Variants in VPS39 observed in about 807,000 individuals in gnomAD.
The protein encoded by VPS39 is VPS39 subunit of HOPS complex, also known as vam6/Vps39-like protein.
VPS39 carries 70 observed loss-of-function variants against 121.0 expected under a neutral mutation model. The observed-to-expected ratio is 0.58, with a 90% CI of 0.48 to 0.71. VPS39 has a LOEUF of 0.71. VPS39 is among the 30% of genes least tolerant of loss of function. The pLI is 0.00. For synonymous variants in VPS39, 378 were observed against 398.1 expected, an observed-to-expected ratio of 0.95 and a Z score of 0.60; for missense variants, 818 against 1,051.5, an observed-to-expected ratio of 0.78 and a Z score of 3.07.
rs747149275 is a variant in VPS39, at chr15:42,191,077, T to A, written c.247+48A>T. On this transcript the variant is annotated intron_variant, in intron 4 of 24. Coordinates refer to ENST00000318006, the MANE Select transcript of VPS39 (RefSeq NM_015289.5). ...AACCATGAAAGGATTAATTAGGTCA[T>A]ATCTTTTCTTGTTAGACACAGGATA... The A allele has an allele frequency of 6.9e-6, 11 of 1,597,342 alleles. No homozygotes were observed. The African/African-American group carries it at 1.3e-4, about 19-fold the overall frequency.
chr15:42,164,673 T>C, intron 18 of VPS39, 187 bp from the exon 19 acceptor site: 3 of 1,435,144 alleles, frequency 2.1e-6, no homozygotes, highest in Non-Finnish European at 2.7e-6. Context: ...CAGCTTACGG[T>C]TAAAAAAATA....
At position 42,166,797 on chromosome 15, in the gene VPS39, A is replaced by G; in HGVS notation, c.1494T>C (p.Tyr498=). ...CTTTCTCGTGGAGCCCCTTCTTCTCATACAGGATGATAAGCTCACTGTACT... is the reference window on the plus strand; with the variant it reads ...CTTTCTCGTGGAGCCCCTTCTTCTCGTACAGGATGATAAGCTCACTGTACT... The part of the protein sequence containing the change: ...AHKYSELIIL[Y]EKKGLHEKAL... The change falls in exon 14 of 25, where the codon TAT becomes TAC. Residue 498 remains tyrosine, a synonymous_variant. Coordinates refer to ENST00000318006, the MANE Select transcript of VPS39 (RefSeq NM_015289.5). 1 of 1,614,198 alleles carries G rather than the reference A, an allele frequency of 6.2e-7. No homozygotes were observed. Among genetic ancestry groups the G allele is most frequent in the Non-Finnish European group, 8.5e-7 (1 of 1,180,020 alleles).
At chr15:42,185,733 CAGA>C (rs1169323840) in intron 7 of VPS39, among the ~76,000 whole-genome samples, 1 of 152,082 alleles carries the variant, frequency 6.6e-6, no homozygotes, top group Non-Finnish European at 1.5e-5. Flanking sequence ...GGTCTAGGAA[CAGA>C]AGGAGAGGCT....
At chr15:42,197,446 G>C (rs933711819) in intron 2 of VPS39, among the ~76,000 whole-genome samples, 1 of 151,900 alleles carries the variant, frequency 6.6e-6, no homozygotes, top group African/African-American at 2.4e-5. Context: ...CCATCTACCT[G>C]GGAGGCTGAG....
intron 3 of VPS39, 144 bp from the exon 4 acceptor site, chr15:42,191,311 T>C (rs1475577038): frequency 1.8e-6 from 2 of 1,142,786 alleles, no homozygotes; most frequent in African/African-American, 3.1e-5. Flanking sequence ...CTATAATTTC[T>C]GTGATTATCA....
At chr15:42,164,198 A>T (rs982140041) in intron 19 of VPS39, among the ~76,000 whole-genome samples, 160 bp downstream of exon 19, 1 of 152,236 alleles carries the variant, frequency 6.6e-6, no homozygotes, top group East Asian at 1.9e-4. Context: ...TCACGGTACA[A>T]AAGTGAGTCT....
chr15:42,191,917 C>T, intron 2 of VPS39: 1 of 892,972 alleles, frequency 1.1e-6, no homozygotes, highest in Non-Finnish European at 1.7e-6. Context: ...AATATAAGAG[C>T]CCAAGCCATG....
At chr15:42,197,945 G>GA (rs1240580364) in intron 2 of VPS39, among the ~76,000 whole-genome samples, 1 of 152,182 alleles carries the variant, frequency 6.6e-6, no homozygotes, top group Non-Finnish European at 1.5e-5. Context: ...AGAGTATAGG[G>GA]AAAAATGGCA....
rs1196228263 is a variant in VPS39 at position 42,160,656 on chromosome 15, C to T, written c.*98G>A. 2.8e-6 allele frequency: 3 copies of T among 1,065,758 alleles called. No homozygotes were observed. Among genetic ancestry groups the T allele is most frequent in the Non-Finnish European group, 4.4e-6 (3 of 683,128 alleles). The allele number at this position is 1,065,758 out of a possible 1,614,324, so 66.0% of individuals were successfully genotyped here. A position where few individuals can be genotyped will look rare whatever the true frequency, so the allele number is the denominator to read the frequency against. On this transcript the variant is annotated 3_prime_UTR_variant, in exon 25 of 25. Transcript: ENST00000318006. ...AGCCAGTAATGTCCAAATGGGGAGC[C>T]TTGTGGTGGTGGCAGCCAGGATTCC...
chr15:42,207,766 T>G (rs1304239102), intron 1 of VPS39, among the ~76,000 whole-genome samples: 3 of 152,168 alleles, frequency 2.0e-5, no homozygotes, highest in Non-Finnish European at 4.4e-5. Context: ...TAAAATGAAG[T>G]CTTCGTGGGA....
intron 8 of VPS39, chr15:42,179,218 G>C (rs1595660705): frequency 6.6e-6 from 1 of 152,290 alleles, no homozygotes; most frequent in African/African-American, 2.4e-5. Context: ...CCATAACAAT[G>C]CATCAGTGGG....
intron 2 of VPS39, among the ~76,000 whole-genome samples, chr15:42,196,014 C>A (rs1182599312): frequency 6.6e-6 from 1 of 152,090 alleles, no homozygotes; most frequent in East Asian, 1.9e-4. Flanking sequence ...AAAAATAATA[C>A]CACACATCTA....
intron 23 of VPS39, 24 bp from the exon 24 acceptor site, chr15:42,161,797 A>G (rs2049132681): frequency 6.2e-7 from 1 of 1,613,314 alleles, no homozygotes; most frequent in African/African-American, 1.3e-5. Context: ...GGGATTGAGG[A>G]AGAAGTTCTA....
Position 42,206,876 on chromosome 15 carries a change from CA to C in VPS39, c.73+1204del, listed in dbSNP as rs2050184194. Among the ~76,000 whole-genome samples, 3 of 152,198 alleles carry C rather than the reference CA, an allele frequency of 2.0e-5. No homozygotes were observed. In the South Asian group the frequency reaches 6.2e-4, roughly 31 times the overall value. On this transcript the variant is annotated intron_variant, in intron 1 of 24. Coordinates refer to ENST00000318006, the MANE Select transcript of VPS39 (RefSeq NM_015289.5). Reference sequence around the variant, plus strand: ...TCCTTTCATGCAGTGTCAGGTCTTTCATTTAAAAACTTTTTCTCCTCCTCTA... The same window carrying C: ...TCCTTTCATGCAGTGTCAGGTCTTTCTTTAAAAACTTTTTCTCCTCCTCTA...
intron 1 of VPS39, among the ~76,000 whole-genome samples, chr15:42,203,473 CAA>C (rs58706734): frequency 0.017 from 2,202 of 127,882 alleles, 44 homozygotes; most frequent in African/African-American, 0.054. Flanking sequence ...GACTCTGTCT[CAA>C]AAAAAAAAAA....
chr15:42,173,039 A>G (rs2049377961), intron 11 of VPS39, among the ~76,000 whole-genome samples: 1 of 152,232 alleles, frequency 6.6e-6, no homozygotes, highest in South Asian at 2.1e-4. Context: ...ATTGATCCAA[A>G]TTAAGCAAAA....
chr15:42,198,963 T>C (rs2050004722), intron 2 of VPS39, among the ~76,000 whole-genome samples: 2 of 152,224 alleles, frequency 1.3e-5, no homozygotes, highest in African/African-American at 4.8e-5. Flanking sequence ...CTGCAGAAAC[T>C]GACCAGGATA....
intron 16 of VPS39, 124 bp from the exon 17 acceptor site, chr15:42,165,940 T>C (rs2049233556): frequency 1.0e-6 from 1 of 976,846 alleles, no homozygotes; most frequent in South Asian, 1.5e-5. Context: ...AAGGCATCTG[T>C]AGGCAGTCAG....
intron 18 of VPS39, 154 bp downstream of exon 18, chr15:42,164,842 G>A: frequency 6.9e-7 from 1 of 1,448,272 alleles, no homozygotes; most frequent in Non-Finnish European, 9.0e-7. Context: ...CATGTGCCAG[G>A]CTTGTGTCAC....
Sources: gnomAD v4.1 joint callset for allele counts (sites outside exome capture counted in the v4.1 genomes callset) on GRCh38, gnomAD v4.1.1 for gene constraint, MANE v1.5 for transcripts, NCBI Gene and HGNC (gene_info 2026-07-23, HGNC 2026-07-21) for gene names.